Variants in GLIS3 observed in about 807,000 individuals in gnomAD.
GLIS3 encodes the protein zinc finger protein GLIS3.
Under a neutral mutation model 78.6 loss-of-function variants are expected in GLIS3, and 53 were observed. The ratio of observed to expected loss-of-function variants is 0.67; its 90% CI spans 0.54 to 0.85. The LOEUF (loss-of-function observed/expected upper bound fraction) is 0.85, where lower values mean the gene tolerates loss of function less well. Ranked by LOEUF, GLIS3 falls within the 40% of genes least tolerant of loss-of-function variation. The pLI is 0.00. For synonymous variants in GLIS3, 684 were observed against 509.9 expected (o/e 1.34, Z -4.60); for missense variants, 1,703 against 1,231.1 (o/e 1.38, Z -5.74).
intron 7 of GLIS3, among the ~76,000 whole-genome samples, chr9:3,885,943 TTTC>T (rs1436828207): frequency 6.6e-6 from 1 of 152,202 alleles, no homozygotes; most frequent in Non-Finnish European, 1.5e-5. Context: ...TTAACCTAAG[TTTC>T]TTCATCTTAA....
the GLIS3 span, among the ~76,000 whole-genome samples, chr9:4,434,387 G>C: frequency 6.6e-6 from 1 of 152,082 alleles, no homozygotes; most frequent in Admixed American, 6.5e-5. Flanking sequence ...TGGTACGTAA[G>C]AAAAGAAGCA....
the GLIS3 span, among the ~76,000 whole-genome samples, chr9:4,364,755 G>GTTTTTTT: frequency 6.5e-5 from 1 of 15,492 alleles, no homozygotes; most frequent in East Asian, 3.7e-3. Context: ...ATCATGTATT[G>GTTTTTTT]CTTTTTTTTT....
intron 2 of GLIS3, among the ~76,000 whole-genome samples, chr9:4,171,612 T>C (rs1236124169): frequency 6.6e-6 from 1 of 152,226 alleles, no homozygotes; most frequent in Non-Finnish European, 1.5e-5. Flanking sequence ...ACTGCTTACA[T>C]CATTTAGTGT....
chr9:4,443,081 C>T, the GLIS3 span, among the ~76,000 whole-genome samples: 1 of 152,140 alleles, frequency 6.6e-6, no homozygotes, highest in African/African-American at 2.4e-5. Flanking sequence ...GCAATTTCCC[C>T]ATCCTTAATC....
the GLIS3 span, among the ~76,000 whole-genome samples, chr9:4,448,290 A>G: frequency 6.6e-6 from 1 of 152,188 alleles, no homozygotes; most frequent in Admixed American, 6.5e-5. Flanking sequence ...TTGAGAACCT[A>G]GAGGCAAATC....
chr9:4,205,743 G>C (rs998226252), intron 2 of GLIS3, among the ~76,000 whole-genome samples: 7 of 152,196 alleles, frequency 4.6e-5, no homozygotes, highest in African/African-American at 1.4e-4. Flanking sequence ...CTCCATGATT[G>C]TTTAAGCCAG....
intron 2 of GLIS3, among the ~76,000 whole-genome samples, chr9:4,279,356 C>G (rs1442315382): frequency 1.8e-5 from 1 of 56,706 alleles, no homozygotes; most frequent in African/African-American, 6.0e-5. Flanking sequence ...CACACACACA[C>G]ACACACATAA....
At chr9:4,312,940 C>T (rs903432557) in intron 2 of GLIS3, among the ~76,000 whole-genome samples, 1 of 152,246 alleles carries the variant, frequency 6.6e-6, no homozygotes, top group Non-Finnish European at 1.5e-5. Flanking sequence ...GTTAGCCCCA[C>T]ATGCACACAC....
At chr9:3,885,662 GA>G (rs982593206) in intron 7 of GLIS3, among the ~76,000 whole-genome samples, 12 of 152,186 alleles carry the variant, frequency 7.9e-5, no homozygotes, top group African/African-American at 2.9e-4. Context: ...CAGGGACACT[GA>G]AAAGAATGAG....
chr9:4,074,950 G>T (rs1827920384), intron 4 of GLIS3, among the ~76,000 whole-genome samples: 1 of 152,102 alleles, frequency 6.6e-6, no homozygotes, highest in African/African-American at 2.4e-5. Context: ...TAAGAGACTT[G>T]CTCAAGGTCA....
intron 4 of GLIS3, among the ~76,000 whole-genome samples, chr9:3,999,526 T>C (rs183879328): frequency 2.2e-4 from 34 of 152,202 alleles, no homozygotes; most frequent in Non-Finnish European, 1.5e-5. Flanking sequence ...ATTTATAATA[T>C]ACCATGGGGG....
chr9:4,348,770 A>C (rs1429398848), upstream of GLIS3, among the ~76,000 whole-genome samples: 1 of 151,732 alleles, frequency 6.6e-6, no homozygotes, highest in African/African-American at 2.4e-5. Context: ...AATGCTCCTA[A>C]GTGAAAAAAA....
chr9:4,346,037 A>C (rs1298120510), intron 2 of GLIS3, among the ~76,000 whole-genome samples: 4 of 152,232 alleles, frequency 2.6e-5, no homozygotes, highest in Non-Finnish European at 4.4e-5. Flanking sequence ...GAGACAAAAA[A>C]TAAATACAGA....
the GLIS3 span, among the ~76,000 whole-genome samples, chr9:4,394,034 C>G: frequency 6.6e-6 from 1 of 151,912 alleles, no homozygotes; most frequent in African/African-American, 2.4e-5. Context: ...TTTGGACTTG[C>G]TGAACCCAGT....
intron 2 of GLIS3, among the ~76,000 whole-genome samples, chr9:4,159,673 C>A (rs935191525): frequency 6.6e-6 from 1 of 151,430 alleles, no homozygotes; most frequent in African/African-American, 2.4e-5. Flanking sequence ...GAGCCGAGAT[C>A]GCACCAGTGC....
At chr9:4,398,218 A>AT in the GLIS3 span, among the ~76,000 whole-genome samples, 24 of 151,670 alleles carry the variant, frequency 1.6e-4, 1 homozygote, top group East Asian at 7.8e-4. Context: ...GCTGAGGCAT[A>AT]TTTTTTTTAA....
At chr9:4,093,364 C>T (rs539824438) in intron 4 of GLIS3, among the ~76,000 whole-genome samples, 1 of 152,298 alleles carries the variant, frequency 6.6e-6, no homozygotes, top group South Asian at 2.1e-4. Flanking sequence ...GTAAGGCCCC[C>T]TCTTGCAAAG....
chr9:4,132,371 T>C (rs1833042346), intron 2 of GLIS3, among the ~76,000 whole-genome samples: 1 of 152,344 alleles, frequency 6.6e-6, no homozygotes, highest in African/African-American at 2.4e-5. Flanking sequence ...TTTTAATTAA[T>C]GTCTTCATTA....
intron 2 of GLIS3, among the ~76,000 whole-genome samples, chr9:4,311,563 C>G (rs1446713214): frequency 6.6e-6 from 1 of 152,120 alleles, no homozygotes. Context: ...GGCCCACTCT[C>G]CCTCCCTCCC....
Sources: gnomAD v4.1 joint callset for allele counts (sites outside exome capture counted in the v4.1 genomes callset) on GRCh38, gnomAD v4.1.1 for gene constraint, MANE v1.5 for transcripts, NCBI Gene and HGNC (gene_info 2026-07-23, HGNC 2026-07-21) for gene names.